Variants in XPO4 observed in about 807,000 individuals in gnomAD.
XPO4 encodes exportin 4, also known as exportin-4.
A neutral mutation model predicts 143.0 loss-of-function variants in XPO4; 39 were observed. That is an observed-to-expected ratio of 0.27 (90% CI 0.21 to 0.36). The LOEUF (loss-of-function observed/expected upper bound fraction) is 0.36, where lower values mean the gene tolerates loss of function less well. Ranked by LOEUF, XPO4 falls within the 10% of genes least tolerant of loss-of-function variation. The pLI, the probability that XPO4 is intolerant of heterozygous loss-of-function variation, is 1.00. For synonymous variants in XPO4, 439 were observed against 474.0 expected (o/e 0.93, Z 0.96); for missense variants, 907 against 1,348.0 (o/e 0.67, Z 5.12).
In XPO4 at chr13:20,796,191, T is replaced by G. The variant is rs1336927209; in HGVS notation, c.2682A>C (p.Leu894Phe). 1 of 1,613,278 alleles carries G rather than the reference T, an allele frequency of 6.2e-7. No homozygotes were observed. Among genetic ancestry groups the G allele is most frequent in the Non-Finnish European group, 8.5e-7 (1 of 1,179,868 alleles). Residue 894 changes from leucine (L) to phenylalanine (F), a missense_variant, in exon 18 of 23, where the codon TTA becomes TTC. Transcript: ENST00000255305. ...TLLQVYSKNN[L>F]GRQRIDVTAE... is the part of the protein sequence containing the mutation. ...CTGTAACATCTATTCTTTGCCGCCC[T>G]AAATTATTCTTAGAATACACTTGCA...
At chr13:20,823,714 CA>C (rs1462459224) in intron 7 of XPO4, among the ~76,000 whole-genome samples, 1 of 152,102 alleles carries the variant, frequency 6.6e-6, no homozygotes, top group Non-Finnish European at 1.5e-5. Context: ...TGCAATGGTG[CA>C]ATCTCAGCTC....
Position 20,809,177 on chromosome 13 carries a change from G to C in XPO4, c.1399C>G (p.Gln467Glu). 2 of 1,614,074 alleles carry C rather than the reference G, an allele frequency of 1.2e-6. No individual in the cohort carries two copies. The highest frequency in any genetic ancestry group is 1.7e-6 in the Non-Finnish European group (2 of 1,180,004). ...GAAAACTGGTCTCGATCATCCTCTT[G>C]AAGTTCACTTATTTCTTCCTCCTCA... ...SREEEEISEL[Q>E]EDDRDQFSDQ... Residue 467 changes from glutamine (Q) to glutamate (E), a missense_variant, in exon 11 of 23, where the codon CAA becomes GAA. By Grantham distance (29) the Gln-to-Glu change is conservative. Coordinates refer to ENST00000255305, the MANE Select transcript of XPO4 (RefSeq NM_022459.5).
intron 2 of XPO4, among the ~76,000 whole-genome samples, chr13:20,864,506 T>C (rs2060227777): frequency 6.6e-6 from 1 of 152,128 alleles, no homozygotes. Flanking sequence ...AATTCCTCCA[T>C]TTTACAGGAG....
intron 13 of XPO4, among the ~76,000 whole-genome samples, chr13:20,802,234 T>C (rs1454618790): frequency 6.6e-6 from 1 of 152,042 alleles, no homozygotes; most frequent in African/African-American, 2.4e-5. Flanking sequence ...ATTTAAAAAA[T>C]TTTTGTAAAG....
In XPO4 at chr13:20,788,476, T is replaced by G; in HGVS notation, c.3047+10A>C. The G allele has an allele frequency of 1.9e-6, 3 of 1,607,266 alleles. No individual in the cohort carries two copies. The South Asian group carries it at 3.4e-5, about 18-fold the overall frequency. On this transcript the variant is annotated intron_variant, in intron 20 of 22. Transcript: ENST00000255305. ...GTAACAAGTAACAGTGATGTTCATT[T>G]AAAGGATATGATGTCATTCCTAATT...
rs1176737462 is a variant in XPO4, at chr13:20,780,448, T to C, written c.*3274A>G. 11 of 152,118 alleles carry C rather than the reference T, an allele frequency of 7.2e-5. No individual in the cohort carries two copies. The highest frequency in any genetic ancestry group is 2.4e-4 in the African/African-American group (10 of 41,436). The allele number at this position is 152,118 out of a possible 1,614,324, so 9.4% of individuals were successfully genotyped here. On this transcript the variant is annotated 3_prime_UTR_variant, in exon 23 of 23. Transcript: ENST00000255305. ...GGGAAACATGGTGATATTACAACTATAAAGACTTGACATTTTTGTTAAAAG... is the reference window on the plus strand; with the variant it reads ...GGGAAACATGGTGATATTACAACTACAAAGACTTGACATTTTTGTTAAAAG...
intron 1 of XPO4, among the ~76,000 whole-genome samples, chr13:20,899,753 T>C (rs1450188784): frequency 2.0e-5 from 3 of 152,202 alleles, no homozygotes; most frequent in African/African-American, 7.2e-5. Context: ...AAAATAATTA[T>C]GAAATACATC....
chr13:20,851,282 G>C lies in XPO4; in HGVS notation c.456+4345C>G, dbSNP rs578059119. On this transcript the variant is annotated intron_variant, in intron 4 of 22. Coordinates refer to ENST00000255305, the MANE Select transcript of XPO4 (RefSeq NM_022459.5). ...GTGTATGCATTTAACCTGCCATATA[G>C]AGAATATTTTTCACATTTAATGTTT... 31 of 985,378 alleles carry C rather than the reference G, an allele frequency of 3.1e-5. No individual in the cohort carries two copies. In the African/African-American group the frequency reaches 5.4e-4, roughly 17 times the overall value. 61.0% of individuals were successfully genotyped at this position (985,378 alleles called of 1,614,324 possible). A position where few individuals can be genotyped will look rare whatever the true frequency, so the allele number is the denominator to read the frequency against.
In XPO4 at chr13:20,799,263, A is replaced by T; in HGVS notation, c.2224T>A (p.Phe742Ile). Residue 742 changes from phenylalanine to isoleucine, a missense_variant, in exon 16 of 23, where the codon TTC becomes ATC. Physicochemically the swap from Phe to Ile is conservative, Grantham distance 21 (BLOSUM62 0). Coordinates refer to ENST00000255305, the MANE Select transcript of XPO4 (RefSeq NM_022459.5). ...QFASRSPPLN[F>I]LSSPVQRTLM... The stretch of plus-strand genomic sequence containing the variant: ...GTCCTCTGCACAGGACTTGACAAGA[A>T]ATTAAGAGGTGGGCTTCGGCTTGCA... 1 of 1,614,096 alleles carries T rather than the reference A, an allele frequency of 6.2e-7. No individual in the cohort carries two copies. The highest frequency in any genetic ancestry group is 8.5e-7 in the Non-Finnish European group (1 of 1,179,998).
chr13:20,800,118 C>CA, intron 15 of XPO4, 38 bp downstream of exon 15: 1 of 1,610,328 alleles, frequency 6.2e-7, no homozygotes, highest in East Asian at 2.2e-5. Context: ...CTCACCCACA[C>CA]ACATACACAC....
At chr13:20,894,218 A>G (rs2060546213) in intron 1 of XPO4, among the ~76,000 whole-genome samples, 1 of 152,222 alleles carries the variant, frequency 6.6e-6, no homozygotes, top group Non-Finnish European at 1.5e-5. Context: ...TCTCTAAAAT[A>G]TTGTCAAATT....
At chr13:20,833,427 C>A (rs1037172373) in intron 6 of XPO4, among the ~76,000 whole-genome samples, 1 of 152,170 alleles carries the variant, frequency 6.6e-6, no homozygotes, top group Non-Finnish European at 1.5e-5. Flanking sequence ...AAAATGGCAT[C>A]ATATTTGCAT....
At chr13:20,841,757 C>T (rs953035326) in intron 6 of XPO4, among the ~76,000 whole-genome samples, 35 of 151,986 alleles carry the variant, frequency 2.3e-4, no homozygotes, top group African/African-American at 7.2e-4. Flanking sequence ...TTACCAGCCA[C>T]AAATAATTAG....
At chr13:20,863,158 T>C (rs2060216562) in intron 2 of XPO4, 4 of 1,020,818 alleles carry the variant, frequency 3.9e-6, no homozygotes, top group Non-Finnish European at 4.7e-6. Flanking sequence ...AAAATAAAAA[T>C]AAAAATATAA....
chr13:20,845,277 T>C (rs555769969), intron 4 of XPO4, among the ~76,000 whole-genome samples: 2 of 152,296 alleles, frequency 1.3e-5, no homozygotes, highest in South Asian at 2.1e-4. Flanking sequence ...CAAAACCCCA[T>C]ATGTTAAAGA....
Position 20,809,241 on chromosome 13 carries a change from GA to G in XPO4, c.1351-17del, listed in dbSNP as rs1566573935. 1.2e-6 allele frequency: 2 copies of G among 1,610,720 alleles called. No individual in the cohort carries two copies. The highest frequency in any genetic ancestry group is 3.4e-5 in the Admixed American group (2 of 59,652). ...CATTGGCAGTCTATTGCAAGTAAAAGAAATAAACAATGAGGAACTGCATTGC... is the reference window on the plus strand; with the variant it reads ...CATTGGCAGTCTATTGCAAGTAAAAGAATAAACAATGAGGAACTGCATTGC... On this transcript the variant is annotated splice_polypyrimidine_tract_variant and intron_variant, in intron 10 of 22. Coordinates refer to ENST00000255305, the MANE Select transcript of XPO4 (RefSeq NM_022459.5).
Position 20,842,965 on chromosome 13 carries a change from C to T in XPO4, c.657G>A (p.Met219Ile), listed in dbSNP as rs1566601091. 6.2e-7 allele frequency: 1 copy of T among 1,613,680 alleles called. No individual in the cohort carries two copies. Among genetic ancestry groups the T allele is most frequent in the Non-Finnish European group, 8.5e-7 (1 of 1,179,702 alleles). The change falls in exon 6 of 23, where the codon ATG (methionine) becomes ATA (isoleucine). Residue 219 changes from methionine to isoleucine, a missense_variant. Physicochemically the swap from Met to Ile is conservative, Grantham distance 10. Transcript: ENST00000255305. ...FSRRENLNAQ[M>I]SSVFQRYLAL... ...CAAGGTAACGCTGAAATACTGAAGA[C>T]ATCTGAGCATTGAGGTTTTCCCGCC...
At chr13:20,862,380 G>A (rs1005807039) in intron 3 of XPO4, among the ~76,000 whole-genome samples, 7 of 152,086 alleles carry the variant, frequency 4.6e-5, no homozygotes, top group Admixed American at 4.6e-4. Context: ...TAAATAAAAG[G>A]TATTATTTCA....
At chr13:20,902,626 G>C in intron 1 of XPO4, 44 bp downstream of exon 1, 1 of 1,508,096 alleles carries the variant, frequency 6.6e-7, no homozygotes, top group South Asian at 1.3e-5. Flanking sequence ...AGGGCCGACC[G>C]GGGGCCCGCG....
Sources: allele counts gnomAD v4.1 joint callset (sites outside exome capture counted in the v4.1 genomes callset), GRCh38; gene constraint gnomAD v4.1.1; transcripts MANE v1.5; gene names NCBI Gene and HGNC (gene_info 2026-07-23, HGNC 2026-07-21).